Variants in SNX25 observed in about 807,000 individuals in gnomAD.
The protein encoded by SNX25 is sorting nexin-25.
Under a neutral mutation model 113.7 loss-of-function variants are expected in SNX25, and 62 were observed. That is an observed-to-expected ratio of 0.55 (90% confidence interval 0.44 to 0.67). SNX25 has a LOEUF of 0.67. SNX25 is among the 30% of genes least tolerant of loss of function. The probability of loss-of-function intolerance (pLI) is 0.00; values close to 1 mark genes in which losing one functional copy is unlikely to be tolerated. For missense variants in SNX25, 1,014 were observed against 1,161.0 expected (o/e 0.87, Z 1.84); for synonymous variants, 421 against 436.2 (o/e 0.97, Z 0.43).
intron 2 of SNX25, among the ~76,000 whole-genome samples, chr4:185,254,397 C>T (rs146942134): frequency 6.6e-6 from 1 of 152,242 alleles, no homozygotes; most frequent in East Asian, 1.9e-4. Flanking sequence ...TCTCTTTGTT[C>T]TAAGAGACCC....
chr4:185,346,260 G>A (rs191236276), intron 12 of SNX25, among the ~76,000 whole-genome samples: 195 of 152,318 alleles, frequency 1.3e-3, no homozygotes, highest in Admixed American at 2.4e-3. Flanking sequence ...GTCACATCAT[G>A]TGCCACCCTG....
At chr4:185,261,662 T>C (rs77096149) in intron 3 of SNX25, among the ~76,000 whole-genome samples, 1 of 152,190 alleles carries the variant, frequency 6.6e-6, no homozygotes, top group Non-Finnish European at 1.5e-5. Context: ...TATAAAGATA[T>C]GGATAAAGCA....
chr4:185,306,153 G>C (rs772776539), intron 6 of SNX25, among the ~76,000 whole-genome samples: 6 of 152,168 alleles, frequency 3.9e-5, no homozygotes, highest in African/African-American at 1.4e-4. Flanking sequence ...TGGATGAATG[G>C]GTTTTAAGGC....
chr4:185,339,271 T>C, intron 10 of SNX25, 108 bp from the exon 11 acceptor site: 1 of 992,964 alleles, frequency 1.0e-6, no homozygotes, highest in Non-Finnish European at 1.5e-6. Flanking sequence ...ACTGTTAGTG[T>C]ATCGAAACAC....
upstream of SNX25, among the ~76,000 whole-genome samples, chr4:185,205,904 A>G (rs1560882241): frequency 1.3e-5 from 2 of 152,360 alleles, no homozygotes; most frequent in South Asian, 2.1e-4. Flanking sequence ...AAGAAAATAT[A>G]CCAATGGCCA....
intron 2 of SNX25, among the ~76,000 whole-genome samples, chr4:185,256,034 T>C (rs953072068): frequency 2.6e-5 from 4 of 152,150 alleles, no homozygotes; most frequent in Admixed American, 6.5e-5. Flanking sequence ...TATCTGAAAA[T>C]GAGCAGAACG....
At chr4:185,361,426 C>T (rs976914735) in intron 16 of SNX25, among the ~76,000 whole-genome samples, 4 of 152,144 alleles carry the variant, frequency 2.6e-5, no homozygotes, top group Admixed American at 6.5e-5. Flanking sequence ...GGAATAACTG[C>T]TCATGCAGTA....
chr4:185,289,212 C>T (rs1227598932), intron 6 of SNX25, among the ~76,000 whole-genome samples: 1 of 152,210 alleles, frequency 6.6e-6, no homozygotes, highest in Admixed American at 6.5e-5. Context: ...CAGTAGTAAA[C>T]AAAACCTCTG....
intron 15 of SNX25, among the ~76,000 whole-genome samples, chr4:185,356,637 C>G (rs2126751776): frequency 1.3e-5 from 2 of 152,208 alleles, no homozygotes; most frequent in Middle Eastern, 6.8e-3. Context: ...ATGTCTAGTG[C>G]CAAGTCTGTG....
chr4:185,241,524 G>A (rs1235643684), intron 1 of SNX25, among the ~76,000 whole-genome samples: 39 of 55,622 alleles, frequency 7.0e-4, no homozygotes, highest in African/African-American at 1.6e-3. Flanking sequence ...GGGAGAGGGA[G>A]AGGAGGGAGA....
At chr4:185,229,543 G>T (rs962401055) in intron 1 of SNX25, among the ~76,000 whole-genome samples, 1 of 152,200 alleles carries the variant, frequency 6.6e-6, no homozygotes, top group Non-Finnish European at 1.5e-5. Context: ...AAATCAGAGG[G>T]AGTTGAGGAG....
At chr4:185,313,288 T>C (rs971684902) in intron 7 of SNX25, among the ~76,000 whole-genome samples, 14 of 152,144 alleles carry the variant, frequency 9.2e-5, no homozygotes, top group African/African-American at 3.4e-4. Context: ...TCAGACAAAA[T>C]AGACTTCGGA....
intron 5 of SNX25, among the ~76,000 whole-genome samples, chr4:185,277,754 A>T (rs1318695636): frequency 6.6e-5 from 1 of 15,100 alleles, no homozygotes; most frequent in Non-Finnish European, 1.2e-4. Flanking sequence ...TTTTTTTGAG[A>T]CGGAGTCTCG....
intron 16 of SNX25, among the ~76,000 whole-genome samples, chr4:185,360,146 G>A (rs186434291): frequency 3.3e-5 from 5 of 152,294 alleles, no homozygotes; most frequent in African/African-American, 4.8e-5. Flanking sequence ...ATTAAGAGTC[G>A]CTTCCTAATC....
chr4:185,226,040 G>T (rs1002892410), intron 1 of SNX25, among the ~76,000 whole-genome samples: 17 of 152,154 alleles, frequency 1.1e-4, no homozygotes, highest in Admixed American at 1.3e-4. Context: ...CTTGAATGAT[G>T]TCACAGCTGT....
intron 13 of SNX25, 71 bp downstream of exon 13, chr4:185,346,721 C>T (rs1028951857): frequency 3.6e-5 from 35 of 979,300 alleles, no homozygotes; most frequent in African/African-American, 8.5e-5. Flanking sequence ...CATCATTCTA[C>T]GAGCTTGGTA....
At chr4:185,346,477 T>C (rs568656400) in intron 12 of SNX25, 60 bp from the exon 13 acceptor site, 24 of 1,146,928 alleles carry the variant, frequency 2.1e-5, no homozygotes, top group Admixed American at 1.7e-4. Flanking sequence ...TTATTCTAAA[T>C]CTTTTTTAAG....
chr4:185,329,602 A>G (rs997319827), intron 9 of SNX25, among the ~76,000 whole-genome samples: 1 of 152,078 alleles, frequency 6.6e-6, no homozygotes, highest in Non-Finnish European at 1.5e-5. Flanking sequence ...AATCGGCTGG[A>G]TTAGTGTCCG....
intron 2 of SNX25, among the ~76,000 whole-genome samples, chr4:185,249,182 G>A (rs1191411881): frequency 1.3e-5 from 2 of 152,160 alleles, no homozygotes; most frequent in African/African-American, 4.8e-5. Context: ...CTGAGCCATA[G>A]GATAGTTGTA....
Sources: gnomAD v4.1 joint callset for allele counts (sites outside exome capture counted in the v4.1 genomes callset) on GRCh38, gnomAD v4.1.1 for gene constraint, MANE v1.5 for transcripts, NCBI Gene and HGNC (gene_info 2026-07-23, HGNC 2026-07-21) for gene names.